Variants in TMBIM4 observed in about 807,000 individuals in gnomAD.
TMBIM4 encodes protein lifeguard 4.
Under a neutral mutation model 27.7 loss-of-function variants are expected in TMBIM4, and 28 were observed. The observed-to-expected ratio is 1.01, with a 90% confidence interval of 0.75 to 1.38. The LOEUF is 1.38. TMBIM4 is among the 40% of genes most tolerant of loss of function. The pLI, the probability that TMBIM4 is intolerant of heterozygous loss-of-function variation, is 0.00. For synonymous variants in TMBIM4, 115 were observed against 113.1 expected (o/e 1.02, Z -0.11); for missense variants, 265 against 277.5 (o/e 0.95, Z 0.32).
intron 1 of TMBIM4, among the ~76,000 whole-genome samples, chr12:66,154,354 C>T (rs903464691): frequency 3.9e-5 from 6 of 152,084 alleles, no homozygotes; most frequent in Admixed American, 2.0e-4. Context: ...CTGTAAAGAC[C>T]GAAAGCTCCC....
At chr12:66,140,922 G>GA (rs777826504) in intron 5 of TMBIM4, among the ~76,000 whole-genome samples, 13 of 152,208 alleles carry the variant, frequency 8.5e-5, no homozygotes, top group Non-Finnish European at 1.5e-4. Context: ...ATAAATATAA[G>GA]AAAGATGGCA....
rs192787888 is a variant in TMBIM4 at position 66,162,299 on chromosome 12, A to G, written c.97+7556T>C. Among the ~76,000 whole-genome samples the G allele has an allele frequency of 2.9e-4, 44 of 152,354 alleles. No homozygotes were observed. The South Asian group carries it at 5.2e-3, about 18-fold the overall frequency. On this transcript the variant is annotated intron_variant, in intron 1 of 6. Transcript: ENST00000358230. ...CAATGAGATATTCTGAGAAAGAGAG[A>G]CCAATTCATATAACTTTTATTATAG...
At chr12:66,139,112 A>G (rs901909717) in intron 5 of TMBIM4, among the ~76,000 whole-genome samples, 1 of 152,256 alleles carries the variant, frequency 6.6e-6, no homozygotes, top group Non-Finnish European at 1.5e-5. Context: ...GAAAATATAT[A>G]AACAAATGAA....
At chr12:66,138,631 C>T in intron 6 of TMBIM4, 93 bp downstream of exon 6, 1 of 846,366 alleles carries the variant, frequency 1.2e-6, no homozygotes, top group African/African-American at 1.8e-5. Context: ...ACTAAGTGTC[C>T]TATCATAAGA....
chr12:66,153,843 G>GT (rs1419495983), intron 1 of TMBIM4, among the ~76,000 whole-genome samples: 1 of 134,476 alleles, frequency 7.4e-6, no homozygotes, highest in African/African-American at 4.0e-5. Flanking sequence ...TAAACGTTAA[G>GT]TTTTTTTATG....
chr12:66,167,600 A>C (rs747317797), intron 1 of TMBIM4, among the ~76,000 whole-genome samples: 2 of 152,218 alleles, frequency 1.3e-5, no homozygotes, highest in Non-Finnish European at 2.9e-5. Flanking sequence ...AAAGAAAGAA[A>C]AGAACGGAAT....
At position 66,145,944 on chromosome 12, in the gene TMBIM4, C is replaced by T. The variant is rs759373797; in HGVS notation, c.361G>A (p.Val121Ile). The change falls in exon 5 of 7, where the codon GTA becomes ATA. Residue 121 changes from valine to isoleucine, a missense_variant. Transcript: ENST00000358230. ...ATGAAAGCTTGCAGAATAATATATACATCATAGAAAGTAACTGTAAAATTA... is the reference window on the plus strand; with the variant it reads ...ATGAAAGCTTGCAGAATAATATATATATCATAGAAAGTAACTGTAAAATTA... ...TVAVVVTFYD[V>I]YIILQAFILT... The T allele has an allele frequency of 3.3e-5, 51 of 1,545,746 alleles. No homozygotes were observed. In the Middle Eastern group the frequency reaches 5.2e-4, roughly 16 times the overall value.
intron 1 of TMBIM4, among the ~76,000 whole-genome samples, chr12:66,158,403 G>A (rs2051979630): frequency 6.6e-6 from 1 of 152,006 alleles, no homozygotes; most frequent in Non-Finnish European, 1.5e-5. Flanking sequence ...CACTTTGGGA[G>A]GCCAAGGCGG....
At chr12:66,160,536 C>T (rs2052017631) in intron 1 of TMBIM4, among the ~76,000 whole-genome samples, 1 of 152,142 alleles carries the variant, frequency 6.6e-6, no homozygotes, top group Admixed American at 6.5e-5. Flanking sequence ...GCAGAATAAA[C>T]TAGCTTAACA....
chr12:66,160,054 G>A (rs2052008215), intron 1 of TMBIM4: 5 of 571,056 alleles, frequency 8.8e-6, no homozygotes, highest in Middle Eastern at 2.7e-4. Context: ...AGTTTTATTG[G>A]GACACAATCA....
intron 1 of TMBIM4, among the ~76,000 whole-genome samples, chr12:66,163,909 T>C (rs942845507): frequency 5.3e-5 from 8 of 152,154 alleles, no homozygotes; most frequent in Non-Finnish European, 1.0e-4. Flanking sequence ...CCCTGATGAG[T>C]ACTGATGTGA....
At chr12:66,139,279 G>T (rs2051628155) in intron 5 of TMBIM4, among the ~76,000 whole-genome samples, 1 of 152,140 alleles carries the variant, frequency 6.6e-6, no homozygotes, top group Admixed American at 6.6e-5. Flanking sequence ...CAATTCAATT[G>T]TTATATATAG....
At position 66,169,941 on chromosome 12, in the gene TMBIM4, G is replaced by A; in HGVS notation, c.11C>T (p.Pro4Leu). The A allele has an allele frequency of 6.7e-7, 1 of 1,496,594 alleles. No individual in the cohort carries two copies. The highest frequency in any genetic ancestry group is 8.9e-7 in the Non-Finnish European group (1 of 1,124,740). 92.7% of individuals were successfully genotyped at this position (1,496,594 alleles called of 1,614,324 possible). The change falls in exon 1 of 7, where the codon CCC becomes CTC. Residue 4 changes from proline to leucine, a missense_variant. Physicochemically the swap from Pro to Leu is moderately conservative, Grantham distance 98 (BLOSUM62 -3). Transcript: ENST00000358230. MAD[P>L]DPRYPRSSIE... is the part of the protein sequence containing the mutation. The stretch of plus-strand genomic sequence containing the variant: ...CGAGGAGCGAGGGTACCGGGGGTCG[G>A]GGTCAGCCATGATGGCAACAGCACC...
intron 5 of TMBIM4, among the ~76,000 whole-genome samples, chr12:66,142,058 A>G (rs2051677312): frequency 6.6e-6 from 1 of 152,308 alleles, no homozygotes; most frequent in East Asian, 1.9e-4. Flanking sequence ...TTACCAAGAT[A>G]CCATTAAAAA....
At position 66,169,938 on chromosome 12, in the gene TMBIM4, T is replaced by C; in HGVS notation, c.14A>G (p.Asp5Gly). 6.8e-7 allele frequency: 1 copy of C among 1,476,142 alleles called. No homozygotes were observed. Among genetic ancestry groups the C allele is most frequent in the South Asian group, 1.3e-5 (1 of 76,308 alleles). The allele number at this position is 1,476,142 out of a possible 1,614,324, so 91.4% of individuals were successfully genotyped here. ...GATCGAGGAGCGAGGGTACCGGGGG[T>C]CGGGGTCAGCCATGATGGCAACAGC... MADPDPRYPRSSIED... is the reference protein window; with the variant it reads MADPGPRYPRSSIED... Residue 5 changes from aspartate (D) to glycine (G), a missense_variant, in exon 1 of 7, where the codon GAC (aspartate) becomes GGC (glycine). By Grantham distance (94) the Asp-to-Gly change is moderately conservative. Transcript: ENST00000358230.
chr12:66,159,738 T>C (rs532077984), intron 1 of TMBIM4, among the ~76,000 whole-genome samples: 1 of 152,320 alleles, frequency 6.6e-6, no homozygotes, highest in African/African-American at 2.4e-5. Flanking sequence ...CGCTAGTTTC[T>C]ACTCACACCT....
chr12:66,145,235 G>A (rs536868813), intron 5 of TMBIM4: 2 of 152,312 alleles, frequency 1.3e-5, no homozygotes, highest in East Asian at 3.9e-4. Flanking sequence ...CAAGAGCAGA[G>A]TTTTGTAAAT....
At chr12:66,142,753 C>G (rs2051689588) in intron 5 of TMBIM4, among the ~76,000 whole-genome samples, 1 of 134,406 alleles carries the variant, frequency 7.4e-6, no homozygotes, top group Admixed American at 7.1e-5. Context: ...ACATCATTCA[C>G]AAGACATTCA....
At chr12:66,153,253 A>C (rs886217383) in intron 2 of TMBIM4, 87 bp downstream of exon 2, 1 of 798,858 alleles carries the variant, frequency 1.3e-6, no homozygotes, top group Non-Finnish European at 2.0e-6. Flanking sequence ...TCAAAAGTTA[A>C]TAGAAAAAAG....
Sources: allele counts gnomAD v4.1 joint callset (sites outside exome capture counted in the v4.1 genomes callset), GRCh38; gene constraint gnomAD v4.1.1; transcripts MANE v1.5; gene names NCBI Gene and HGNC (gene_info 2026-07-23, HGNC 2026-07-21).